Variants in TYW1B observed in about 807,000 individuals in gnomAD.
The protein encoded by TYW1B is tRNA-yW synthesizing protein 1 homolog B, also known as S-adenosyl-L-methionine-dependent tRNA 4-demethylwyosine synthase TYW1B.
TYW1B carries 73 observed loss-of-function variants against 86.9 expected under a neutral mutation model. The ratio of observed to expected loss-of-function variants is 0.84; its 90% CI spans 0.70 to 1.02. TYW1B has a LOEUF of 1.02. TYW1B is among the 50% of genes least tolerant of loss of function. The probability of loss-of-function intolerance (pLI) is 0.00; values close to 1 mark genes in which losing one functional copy is unlikely to be tolerated. For synonymous variants in TYW1B, 248 were observed against 292.8 expected, an observed-to-expected ratio of 0.85 and a Z score of 1.56; for missense variants, 637 against 827.4, an observed-to-expected ratio of 0.77 and a Z score of 2.82.
chr7:72,769,032 G>T (rs1585969972), intron 7 of TYW1B: 1 of 346,802 alleles, frequency 2.9e-6, no homozygotes. Context: ...CGTATTAAAA[G>T]AAGCCTACTC....
Position 72,592,160 on chromosome 7 carries a change from T to TAAAAAAAAAAAA in TYW1B, c.1786-16453_1786-16442dup, listed in dbSNP as rs56146824. ...TTTCTATGTTAACACACTAATGTGT[T>TAAAAAAAAAAAA]AAAAAAAAAAAAAAAAAAAAAAAAA... On this transcript the variant is annotated intron_variant, in intron 13 of 13. Coordinates refer to ENST00000620995, the MANE Select transcript of TYW1B (RefSeq NM_001145440.3). Among the ~76,000 whole-genome samples the TAAAAAAAAAAAA allele has an allele frequency of 1.2e-4, 12 of 103,394 alleles. 1 individual carries two copies. Among genetic ancestry groups the TAAAAAAAAAAAA allele is most frequent in the African/African-American group, 4.5e-4 (11 of 24,234 alleles). The allele number at this position is 103,394 out of a possible 152,430, so 67.8% of individuals were successfully genotyped here. A position where few individuals can be genotyped will look rare whatever the true frequency, so the allele number is the denominator to read the frequency against.
chr7:72,745,190 A>AT (rs1563079705), intron 7 of TYW1B, among the ~76,000 whole-genome samples: 2 of 152,094 alleles, frequency 1.3e-5, no homozygotes, highest in African/African-American at 4.8e-5. Flanking sequence ...ATGCCTGGTT[A>AT]TTTTTTAATT....
chr7:72,699,665 T>G (rs1554452116), intron 10 of TYW1B, among the ~76,000 whole-genome samples: 1 of 152,088 alleles, frequency 6.6e-6, no homozygotes, highest in East Asian at 1.9e-4. Flanking sequence ...TTTTTTTTTT[T>G]TAAAGACAGA....
At chr7:72,640,932 G>A (rs1162070836) in intron 11 of TYW1B, among the ~76,000 whole-genome samples, 1 of 151,626 alleles carries the variant, frequency 6.6e-6, no homozygotes, top group African/African-American at 2.4e-5. Context: ...TAGAACAGAG[G>A]TAAAAGAAAT....
intron 11 of TYW1B, among the ~76,000 whole-genome samples, chr7:72,672,633 G>C (rs1287054545): frequency 2.0e-5 from 3 of 152,116 alleles, no homozygotes; most frequent in Non-Finnish European, 4.4e-5. Context: ...ACCTCGAATA[G>C]AGAAGGCCAA....
chr7:72,753,927 T>C (rs58117262), intron 7 of TYW1B, among the ~76,000 whole-genome samples: 104,330 of 151,992 alleles, frequency 0.69, 36,749 homozygotes, highest in Non-Finnish European at 0.77. Context: ...ACCAAAACAT[T>C]TGTGTGGCTC....
At chr7:72,598,299 C>T (rs1811582864) in intron 13 of TYW1B, among the ~76,000 whole-genome samples, 1 of 152,112 alleles carries the variant, frequency 6.6e-6, no homozygotes, top group East Asian at 1.9e-4. Flanking sequence ...AGGTTTGGGA[C>T]TCATACTGGC....
At chr7:72,576,822 T>C (rs1422375494) in intron 13 of TYW1B, among the ~76,000 whole-genome samples, 1 of 150,002 alleles carries the variant, frequency 6.7e-6, no homozygotes, top group Non-Finnish European at 1.5e-5. Flanking sequence ...CATGCCACTA[T>C]CTTTTAAAAA....
chr7:72,602,899 T>G (rs3110829), intron 13 of TYW1B, among the ~76,000 whole-genome samples: 8,282 of 113,372 alleles, frequency 0.073, no homozygotes, highest in South Asian at 0.098. Flanking sequence ...GTTGATGGGG[T>G]TATGGCAAAG....
In TYW1B at chr7:72,802,426, T is replaced by C. The variant is rs1788417576; in HGVS notation, c.820A>G (p.Ile274Val). Residue 274 changes from isoleucine (I) to valine (V), a missense_variant, in exon 6 of 14, where the codon ATT becomes GTT. Physicochemically the swap from Ile to Val is conservative, Grantham distance 29. Transcript: ENST00000620995. ...TTTTCTTTCTTCACGTGATCCATAA[T>C]TTTGCCCAAATCTTCAACATCAACA... ...SIVDVEDLGK[I>V]MDHVKKEKRE... 2 of 1,613,794 alleles carry C rather than the reference T, an allele frequency of 1.2e-6. No individual in the cohort carries two copies. Among genetic ancestry groups the C allele is most frequent in the African/African-American group, 1.3e-5 (1 of 74,920 alleles).
At chr7:72,810,721 G>C (rs1325972156) in intron 3 of TYW1B, 56 bp from the exon 4 acceptor site, 1 of 1,530,252 alleles carries the variant, frequency 6.5e-7, no homozygotes, top group African/African-American at 1.4e-5. Context: ...TTATCTCAAC[G>C]AAGAAAATCC....
At chr7:72,673,081 T>C (rs563152473) in intron 11 of TYW1B, among the ~76,000 whole-genome samples, 239 of 152,228 alleles carry the variant, frequency 1.6e-3, no homozygotes, top group Middle Eastern at 3.4e-3. Flanking sequence ...GGCAGGAGAA[T>C]TGCTTGAACC....
intron 11 of TYW1B, among the ~76,000 whole-genome samples, chr7:72,669,878 T>A (rs1468697171): frequency 1.2e-4 from 18 of 151,940 alleles, no homozygotes; most frequent in Non-Finnish European, 2.9e-5. Flanking sequence ...GAAAACCACT[T>A]GAGGCCAGGA....
intron 12 of TYW1B, among the ~76,000 whole-genome samples, chr7:72,626,977 TC>T (rs1343060993): frequency 1.3e-5 from 2 of 151,898 alleles, no homozygotes; most frequent in Non-Finnish European, 2.9e-5. Context: ...AATCCCCTTA[TC>T]TTTGCTTGAA....
At chr7:72,584,441 G>A (rs1218033691) in intron 13 of TYW1B, among the ~76,000 whole-genome samples, 31 of 151,816 alleles carry the variant, frequency 2.0e-4, no homozygotes, top group African/African-American at 7.3e-4. Context: ...AAAACTTACA[G>A]AAAACAGTGT....
chr7:72,618,514 C>A (rs1480465078), intron 12 of TYW1B, among the ~76,000 whole-genome samples: 19 of 152,104 alleles, frequency 1.2e-4, no homozygotes, highest in African/African-American at 4.3e-4. Flanking sequence ...ACACGCCTGG[C>A]CAACACTTAA....
At chr7:72,826,402 T>G (rs1586014683) in intron 2 of TYW1B, among the ~76,000 whole-genome samples, 1 of 152,142 alleles carries the variant, frequency 6.6e-6, no homozygotes, top group Non-Finnish European at 1.5e-5. Context: ...ATTAGCCCCT[T>G]GGTATAATAA....
intron 13 of TYW1B, among the ~76,000 whole-genome samples, chr7:72,598,056 T>C (rs1443789121): frequency 1.3e-5 from 2 of 152,224 alleles, no homozygotes; most frequent in Non-Finnish European, 2.9e-5. Context: ...GGACACAAAG[T>C]ATTAATCCTG....
At chr7:72,590,321 T>G (rs141247708) in intron 13 of TYW1B, among the ~76,000 whole-genome samples, 1 of 152,146 alleles carries the variant, frequency 6.6e-6, no homozygotes, top group Admixed American at 6.5e-5. Context: ...AGAGCCAGGA[T>G]AGGCAATAAG....
Sources: allele counts gnomAD v4.1 joint callset (sites outside exome capture counted in the v4.1 genomes callset), GRCh38; gene constraint gnomAD v4.1.1; transcripts MANE v1.5; gene names NCBI Gene and HGNC (gene_info 2026-07-23, HGNC 2026-07-21).